Variants in RARB observed in about 807,000 individuals in gnomAD.
The protein encoded by RARB is retinoic acid receptor beta, also known as HBV-activated protein.
A neutral mutation model predicts 51.9 loss-of-function variants in RARB; 17 were observed. The observed-to-expected ratio is 0.33, with a 90% CI of 0.22 to 0.49. RARB has a LOEUF of 0.49. Ranked by LOEUF, RARB falls within the 20% of genes least tolerant of loss-of-function variation. The pLI, the probability that RARB is intolerant of heterozygous loss-of-function variation, is 0.99. For missense variants in RARB, 369 were observed against 550.8 expected, an observed-to-expected ratio of 0.67 and a Z score of 3.30; for synonymous variants, 215 against 195.4, an observed-to-expected ratio of 1.10 and a Z score of -0.84.
chr3:25,295,603 C>T (rs183970738), intron 5 of RARB, among the ~76,000 whole-genome samples: 5 of 152,276 alleles, frequency 3.3e-5, no homozygotes, highest in African/African-American at 1.2e-4. Context: ...AGAGTCCCAG[C>T]CTCATGACAC....
chr3:25,590,808 A>G (rs1208547917), intron 5 of RARB, among the ~76,000 whole-genome samples: 1 of 152,174 alleles, frequency 6.6e-6, no homozygotes, highest in Non-Finnish European at 1.5e-5. Context: ...GTCACTTGAT[A>G]ACTCCCTGCA....
intron 5 of RARB, among the ~76,000 whole-genome samples, chr3:25,384,591 C>T (rs867976841): frequency 3.9e-5 from 6 of 152,154 alleles, no homozygotes; most frequent in South Asian, 2.1e-4. Flanking sequence ...TGAAATCACA[C>T]CCACATGCAG....
At chr3:25,441,348 C>T (rs1708672571) in intron 1 of RARB, 4 of 346,382 alleles carry the variant, frequency 1.2e-5, no homozygotes, top group East Asian at 7.8e-5. Flanking sequence ...GGGAAGTTTG[C>T]GAATCAGTTC....
intron 5 of RARB, chr3:25,352,192 T>G (rs1705594062): frequency 6.6e-6 from 1 of 152,140 alleles, no homozygotes; most frequent in Non-Finnish European, 1.5e-5. Flanking sequence ...AGTTCCCTTT[T>G]TCATCACCCC....
At chr3:24,869,921 G>A (rs1322159775) in intron 2 of RARB, among the ~76,000 whole-genome samples, 1 of 151,942 alleles carries the variant, frequency 6.6e-6, no homozygotes, top group Admixed American at 6.6e-5. Context: ...TTTATATTGT[G>A]AAACTTCATT....
chr3:25,557,059 C>T (rs748714221), intron 3 of RARB, among the ~76,000 whole-genome samples: 2 of 151,916 alleles, frequency 1.3e-5, no homozygotes, highest in South Asian at 4.1e-4. Flanking sequence ...CTCACAATGA[C>T]GTGCTGTTTG....
chr3:24,896,572 T>G (rs1033118452), intron 2 of RARB, among the ~76,000 whole-genome samples: 20 of 152,116 alleles, frequency 1.3e-4, no homozygotes, highest in African/African-American at 4.3e-4. Flanking sequence ...GTACAGAGTT[T>G]TAGTTGAGAT....
chr3:25,474,007 T>C (rs1280971611), intron 2 of RARB, among the ~76,000 whole-genome samples: 1 of 150,570 alleles, frequency 6.6e-6, no homozygotes, highest in Non-Finnish European at 1.5e-5. Flanking sequence ...CTTAAAATAA[T>C]GAGCAGTAGA....
intron 1 of RARB, among the ~76,000 whole-genome samples, chr3:24,855,936 G>A (rs1702628452): frequency 6.6e-6 from 1 of 151,862 alleles, no homozygotes; most frequent in Non-Finnish European, 1.5e-5. Flanking sequence ...ATTTTTGGTA[G>A]AGATGGGGTT....
intron 3 of RARB, among the ~76,000 whole-genome samples, chr3:25,072,564 G>A (rs781225030): frequency 8.5e-5 from 13 of 152,138 alleles, no homozygotes; most frequent in Non-Finnish European, 1.5e-4. Flanking sequence ...AAGAGCTTCT[G>A]GGTTTTCAGA....
At chr3:24,874,753 T>C (rs1703010170) in intron 2 of RARB, among the ~76,000 whole-genome samples, 1 of 152,032 alleles carries the variant, frequency 6.6e-6, no homozygotes, top group Non-Finnish European at 1.5e-5. Flanking sequence ...TTACTTAATG[T>C]AGTTCATTTA....
chr3:25,468,949 C>T (rs1292050719), intron 2 of RARB, among the ~76,000 whole-genome samples: 2 of 152,248 alleles, frequency 1.3e-5, no homozygotes, highest in African/African-American at 4.8e-5. Context: ...AGGCCTGGCA[C>T]AGCCGTGATG....
At chr3:25,295,518 G>C (rs1301528302) in intron 5 of RARB, among the ~76,000 whole-genome samples, 2 of 152,122 alleles carry the variant, frequency 1.3e-5, no homozygotes, top group African/African-American at 2.4e-5. Context: ...CCAGTCTAAG[G>C]TATTTTGTTA....
At position 25,580,727 on chromosome 3, in the gene RARB, G is replaced by A. The variant is rs757873819; in HGVS notation, c.786+5G>A. On this transcript the variant is annotated splice_donor_5th_base_variant and intron_variant, in intron 5 of 7. Transcript: ENST00000330688. ...GCCGCCTGCCTGGACATCCTGGTAT[G>A]TGCCTTTTTGAGCTCTCAATGGGTC... 6.3e-7 allele frequency: 1 copy of A among 1,594,806 alleles called. No homozygotes were observed. Among genetic ancestry groups the A allele is most frequent in the East Asian group, 2.3e-5 (1 of 44,420 alleles).
chr3:25,434,952 C>T (rs914627000), intron 1 of RARB, among the ~76,000 whole-genome samples: 6 of 152,164 alleles, frequency 3.9e-5, no homozygotes, highest in Non-Finnish European at 8.8e-5. Context: ...AGTTTTCCTC[C>T]CCTTTTTCCT....
rs147447631 is a variant in RARB at position 25,149,063 on chromosome 3, A to G, written c.-280+16855A>G. 5.0e-3 allele frequency among the ~76,000 whole-genome samples: 758 copies of G among 152,304 alleles called. 18 individuals carry two copies. Among genetic ancestry groups the G allele is most frequent in the Admixed American group, 0.031 (473 of 15,302 alleles). ...AACTTCCTAGCAACATGGCCATCCCATCACCTTTTTCTGAACTTCTTCAAG... is the reference window on the plus strand; with the variant it reads ...AACTTCCTAGCAACATGGCCATCCCGTCACCTTTTTCTGAACTTCTTCAAG... On this transcript the variant is annotated intron_variant, in intron 4 of 11. Coordinates refer to the RARB transcript ENST00000383772.
intron 2 of RARB, among the ~76,000 whole-genome samples, chr3:25,490,202 C>A (rs59064369): frequency 6.6e-6 from 1 of 152,058 alleles, no homozygotes; most frequent in Non-Finnish European, 1.5e-5. Context: ...CATGTATAAG[C>A]GAGAAAAATT....
intron 5 of RARB, among the ~76,000 whole-genome samples, chr3:25,412,468 G>C (rs925605305): frequency 1.3e-5 from 2 of 152,074 alleles, no homozygotes; most frequent in African/African-American, 4.8e-5. Context: ...TATCTGACCT[G>C]CTCATGTTGA....
intron 3 of RARB, among the ~76,000 whole-genome samples, chr3:25,550,992 A>G (rs1226442893): frequency 6.6e-6 from 1 of 152,136 alleles, no homozygotes; most frequent in Non-Finnish European, 1.5e-5. Context: ...TTAAGTTTTA[A>G]CTTGCGAATT....
Sources: gnomAD v4.1 joint callset for allele counts (sites outside exome capture counted in the v4.1 genomes callset) on GRCh38, gnomAD v4.1.1 for gene constraint, MANE v1.5 for transcripts, NCBI Gene and HGNC (gene_info 2026-07-23, HGNC 2026-07-21) for gene names.